Variants in HEATR5A observed in about 807,000 individuals in gnomAD.
HEATR5A encodes the protein HEAT repeat containing 5A.
A neutral mutation model predicts 218.8 loss-of-function variants in HEATR5A; 178 were observed. The observed-to-expected ratio is 0.81, with a 90% CI of 0.72 to 0.92. The LOEUF (loss-of-function observed/expected upper bound fraction) is 0.92, where lower values mean the gene tolerates loss of function less well. Ranked by LOEUF, HEATR5A falls within the 40% of genes least tolerant of loss-of-function variation. HEATR5A has a pLI of 0.00. For missense variants in HEATR5A, 2,420 were observed against 2,418.9 expected (o/e 1.00, Z -0.01); for synonymous variants, 864 against 871.6 (o/e 0.99, Z 0.15).
At chr14:31,376,678 G>T (rs553640896) in intron 11 of HEATR5A, among the ~76,000 whole-genome samples, 153 of 152,246 alleles carry the variant, frequency 1.0e-3, no homozygotes, top group African/African-American at 3.6e-3. Context: ...TAAGTGTGTA[G>T]CTTACATTCA....
intron 33 of HEATR5A, among the ~76,000 whole-genome samples, chr14:31,301,815 T>C (rs12890942): frequency 0.012 from 1,048 of 84,098 alleles, 39 homozygotes; most frequent in Middle Eastern, 0.024. Flanking sequence ...TTTCTTTTTT[T>C]TTTTTTTTTT....
intron 22 of HEATR5A, among the ~76,000 whole-genome samples, chr14:31,336,217 C>CACACAT (rs1178045152): frequency 3.4e-4 from 13 of 38,212 alleles, no homozygotes; most frequent in African/African-American, 8.9e-4. Flanking sequence ...TACATACATA[C>CACACAT]ATATATATAT....
At chr14:31,342,047 A>G (rs1430750022) in intron 21 of HEATR5A, among the ~76,000 whole-genome samples, 1 of 152,164 alleles carries the variant, frequency 6.6e-6, no homozygotes, top group Non-Finnish European at 1.5e-5. Flanking sequence ...CTAAAAAAAT[A>G]CAGGAACAAA....
intron 21 of HEATR5A, among the ~76,000 whole-genome samples, chr14:31,342,239 T>A (rs932857600): frequency 2.0e-5 from 3 of 151,640 alleles, no homozygotes; most frequent in African/African-American, 7.3e-5. Context: ...AGAAAAAAAA[T>A]TAGCTAGGTG....
chr14:31,362,362 C>T (rs1244845594), intron 14 of HEATR5A, among the ~76,000 whole-genome samples: 1 of 151,530 alleles, frequency 6.6e-6, no homozygotes, highest in Non-Finnish European at 1.5e-5. Flanking sequence ...CTTTAGGACT[C>T]CTGATTGCAT....
intron 14 of HEATR5A, among the ~76,000 whole-genome samples, chr14:31,359,913 G>C (rs189040976): frequency 1.8e-3 from 268 of 151,606 alleles, no homozygotes; most frequent in African/African-American, 5.7e-3. Flanking sequence ...CCCCATTCCT[G>C]ATCCCACATT....
At chr14:31,406,854 G>C (rs1213185567) in intron 1 of HEATR5A, among the ~76,000 whole-genome samples, 2 of 151,766 alleles carry the variant, frequency 1.3e-5, no homozygotes, top group Non-Finnish European at 2.9e-5. Context: ...CGTTACTCGG[G>C]AGGCTGAGGC....
chr14:31,415,916 T>A (rs2031427902), intron 1 of HEATR5A, among the ~76,000 whole-genome samples: 1 of 152,010 alleles, frequency 6.6e-6, no homozygotes, highest in African/African-American at 2.4e-5. Flanking sequence ...AACAACAATT[T>A]AGTAAAATTA....
rs1239515654 is a variant in HEATR5A at position 31,296,167 on chromosome 14, TAC to T, written c.5465-106_5465-105del. On this transcript the variant is annotated intron_variant, in intron 33 of 35. Transcript: ENST00000543095. ...GTAACAGTTTGGTGTACACAACAGA[TAC>T]ACACAATGAACGCTGACTAAGAACC... is the stretch of plus-strand genomic sequence containing the variant. 7.3e-5 allele frequency: 60 copies of T among 818,970 alleles called. No homozygotes were observed. The East Asian group carries it at 7.8e-4, about 11-fold the overall frequency. The allele number at this position is 818,970 out of a possible 1,614,324, so 50.7% of individuals were successfully genotyped here.
At chr14:31,382,831 G>A (rs1239111859) in intron 10 of HEATR5A, among the ~76,000 whole-genome samples, 1 of 150,088 alleles carries the variant, frequency 6.7e-6, no homozygotes, top group Non-Finnish European at 1.5e-5. Flanking sequence ...TATAAATCAT[G>A]CCATCTTTGA....
chr14:31,310,542 A>C (rs191924399), intron 28 of HEATR5A, among the ~76,000 whole-genome samples: 1 of 152,174 alleles, frequency 6.6e-6, no homozygotes, highest in African/African-American at 2.4e-5. Context: ...TGGGAGGCTG[A>C]GGCAGGAGAA....
chr14:31,398,827 G>C (rs2030757477), intron 3 of HEATR5A, 46 bp from the exon 4 acceptor site: 1 of 1,037,062 alleles, frequency 9.6e-7, no homozygotes, highest in Non-Finnish European at 1.4e-6. Context: ...TGAAAAAATA[G>C]GAATAAAAAG....
chr14:31,362,300 A>G (rs1334423812), intron 14 of HEATR5A, among the ~76,000 whole-genome samples: 1 of 152,006 alleles, frequency 6.6e-6, no homozygotes, highest in Non-Finnish European at 1.5e-5. Context: ...GTTCATAGTA[A>G]GTCCTGACTT....
At chr14:31,371,459 T>G (rs1033131883) in intron 13 of HEATR5A, 2 of 158,790 alleles carry the variant, frequency 1.3e-5, no homozygotes, top group African/African-American at 4.8e-5. Flanking sequence ...CTCAAACTTA[T>G]GAAAAATATA....
intron 14 of HEATR5A, among the ~76,000 whole-genome samples, chr14:31,363,198 C>T (rs1303874440): frequency 6.7e-6 from 1 of 149,444 alleles, no homozygotes; most frequent in Non-Finnish European, 1.5e-5. Flanking sequence ...GAGATCATGC[C>T]ACTGCACTCC....
intron 12 of HEATR5A, among the ~76,000 whole-genome samples, chr14:31,374,301 C>CAAAA (rs34427206): frequency 2.2e-5 from 2 of 92,128 alleles, no homozygotes; most frequent in African/African-American, 7.7e-5. Flanking sequence ...GACCCTATCT[C>CAAAA]AAAAAAAAAA....
intron 22 of HEATR5A, among the ~76,000 whole-genome samples, chr14:31,334,958 A>G (rs949830075): frequency 3.5e-4 from 53 of 151,084 alleles, no homozygotes; most frequent in African/African-American, 1.3e-3. Context: ...AAAAAAAAAA[A>G]AAAAAAAGAA....
rs556271357 is a variant in HEATR5A at position 31,363,221 on chromosome 14, A to G, written c.2071+968T>C. On this transcript the variant is annotated intron_variant, in intron 14 of 35. Coordinates refer to ENST00000543095, the MANE Select transcript of HEATR5A (RefSeq NM_015473.4). ...GCCACTGCACTCCAGCCTGGGGGAC[A>G]GAGCAAGACTCTGTCTCCAAAAAAA... 2.9e-4 allele frequency among the ~76,000 whole-genome samples: 44 copies of G among 151,870 alleles called. No individual in the cohort carries two copies. In the East Asian group the frequency reaches 7.4e-3, roughly 25 times the overall value.
At position 31,293,353 on chromosome 14, in the gene HEATR5A, CTTAGTATA is replaced by C; in HGVS notation, c.6085_6092del (p.Tyr2029GlufsTer22). The C allele has an allele frequency of 6.2e-7, 1 of 1,609,340 alleles. No individual in the cohort carries two copies. Among genetic ancestry groups the C allele is most frequent in the Non-Finnish European group, 8.5e-7 (1 of 1,178,642 alleles). On this transcript the variant is annotated frameshift_variant, in exon 36 of 36. Coordinates refer to ENST00000543095, the MANE Select transcript of HEATR5A (RefSeq NM_015473.4). LOFTEE classifies it high-confidence loss of function. ...GGATGCTTGAGTTTTTTCCAGGACT[CTTAGTATA>C]TTTAGATGTTGGTATCTTGACTTTG...
Sources: allele counts gnomAD v4.1 joint callset (sites outside exome capture counted in the v4.1 genomes callset), GRCh38; gene constraint gnomAD v4.1.1; transcripts MANE v1.5; gene names NCBI Gene and HGNC (gene_info 2026-07-23, HGNC 2026-07-21).